The following TRPV1 variants were observed in gnomAD, a reference collection of about 807,000 sequenced individuals.
TRPV1 encodes transient receptor potential cation channel subfamily V member 1, also known as OTRPC1.
In TRPV1, 82 loss-of-function variants were observed where a neutral mutation model predicts 82.3. That is an observed-to-expected ratio of 1.00 (90% CI 0.83 to 1.20). The LOEUF (loss-of-function observed/expected upper bound fraction) is 1.20. Ranked by LOEUF, TRPV1 falls within the 50% of genes most tolerant of loss-of-function variation. The probability of loss-of-function intolerance (pLI) is 0.00; values close to 1 mark genes in which losing one functional copy is unlikely to be tolerated. For missense variants in TRPV1, 1,067 were observed against 1,096.8 expected (o/e 0.97, Z 0.38); for synonymous variants, 515 against 467.7 (o/e 1.10, Z -1.30).
At chr17:3,599,172 G>A (rs1437179543) in intron 2 of TRPV1, among the ~76,000 whole-genome samples, 1 of 152,006 alleles carries the variant, frequency 6.6e-6, no homozygotes, top group Non-Finnish European at 1.5e-5. Context: ...CCGGGAGGTG[G>A]AGGTTGCAGT....
chr17:3,599,679 A>G (rs777146013), intron 2 of TRPV1, among the ~76,000 whole-genome samples: 34 of 148,900 alleles, frequency 2.3e-4, no homozygotes, highest in African/African-American at 8.1e-4. Flanking sequence ...CCCAGGCTAC[A>G]GTGCAATGGC....
chr17:3,588,135 G>A lies in TRPV1; in HGVS notation c.1224+53C>T, dbSNP rs147217761. 1.2e-5 allele frequency: 19 copies of A among 1,526,516 alleles called. No individual in the cohort carries two copies. The African/African-American group carries it at 2.5e-4, about 20-fold the overall frequency. 94.6% of individuals were successfully genotyped at this position (1,526,516 alleles called of 1,614,324 possible). On this transcript the variant is annotated intron_variant, in intron 8 of 16. Transcript: ENST00000572705. ...GAGCTGGACCAGGGGCTGGGATTGG[G>A]GCTTGGGTGCAGAGGCCCTGAGGCC...
rs1228656035 is a variant in TRPV1 at position 3,577,716 on chromosome 17, C to G, written c.1595G>C (p.Ser532Thr). ...FMLATVVLYF[S>T]HLKEYVASMV... ...GGAAGCCACATACTCCTTGAGGTGG[C>G]TGAAGTACAGCACCACGGTGGCCAG... The change falls in exon 12 of 17, where the codon AGC becomes ACC. Residue 532 changes from serine (S) to threonine (T), a missense_variant. Ser to Thr is a moderately conservative substitution (Grantham distance 58). Coordinates refer to ENST00000572705, the MANE Select transcript of TRPV1 (RefSeq NM_080704.4). The G allele has an allele frequency of 6.3e-7, 1 of 1,591,228 alleles. No homozygotes were observed. Among genetic ancestry groups the G allele is most frequent in the African/African-American group, 1.3e-5 (1 of 74,356 alleles).
intron 16 of TRPV1, among the ~76,000 whole-genome samples, chr17:3,569,899 G>A (rs1433217718): frequency 6.6e-6 from 1 of 150,714 alleles, no homozygotes; most frequent in Non-Finnish European, 1.5e-5. Flanking sequence ...GGGCCAAGGG[G>A]TTAGGGGCCA....
Position 3,591,133 on chromosome 17 carries a change from A to G in TRPV1, c.452-17T>C. 1 of 1,611,028 alleles carries G rather than the reference A, an allele frequency of 6.2e-7. No homozygotes were observed. Among genetic ancestry groups the G allele is most frequent in the South Asian group, 1.1e-5 (1 of 90,372 alleles). ...TCTCAGGGTCTGAAAGACATAAGGG[A>G]GGGTCAGGGCAGGCCAGGGCTGGGG... On this transcript the variant is annotated splice_polypyrimidine_tract_variant and intron_variant, in intron 4 of 16. Coordinates refer to ENST00000572705, the MANE Select transcript of TRPV1 (RefSeq NM_080704.4).
chr17:3,591,928 G>A, intron 3 of TRPV1, 139 bp downstream of exon 3: 1 of 1,274,236 alleles, frequency 7.8e-7, no homozygotes, highest in Non-Finnish European at 1.1e-6. Context: ...ACATGAGGAA[G>A]GACGCTGGAC....
In TRPV1 at chr17:3,590,344, A is replaced by C; in HGVS notation, c.653T>G (p.Val218Gly). 6.2e-7 allele frequency: 1 copy of C among 1,613,814 alleles called. No individual in the cohort carries two copies. Among genetic ancestry groups the C allele is most frequent in the Non-Finnish European group, 8.5e-7 (1 of 1,179,842 alleles). ...TGCTCCGTTCTCCACCAGGAGGGTCACCAGGGCCATGTTGCGTCTCTCGAT... is the reference window on the plus strand; with the variant it reads ...TGCTCCGTTCTCCACCAGGAGGGTCCCCAGGGCCATGTTGCGTCTCTCGAT... ...IAIERRNMAL[V>G]TLLVENGADV... The change falls in exon 6 of 17, where the codon GTG becomes GGG. Residue 218 changes from valine to glycine, a missense_variant. By Grantham distance (109) the Val-to-Gly change is moderately radical. Transcript: ENST00000572705.
chr17:3,593,081 CG>C (rs2075180627), intron 2 of TRPV1, among the ~76,000 whole-genome samples: 7 of 112,854 alleles, frequency 6.2e-5, no homozygotes, highest in East Asian at 2.3e-4. Context: ...AATGTTTAGG[CG>C]TGTGTGTGTG....
intron 3 of TRPV1, among the ~76,000 whole-genome samples, chr17:3,591,609 C>T (rs2075158809): frequency 6.6e-6 from 1 of 152,256 alleles, no homozygotes; most frequent in African/African-American, 2.4e-5. Flanking sequence ...TCCCAGACCA[C>T]TGGCTTCTCT....
chr17:3,588,217 C>A lies in TRPV1; in HGVS notation c.1195G>T (p.Val399Leu). The change falls in exon 8 of 17, where the codon GTG (valine) becomes TTG (leucine). Residue 399 changes from valine to leucine, a missense_variant. By Grantham distance (32) the Val-to-Leu change is conservative. Transcript: ENST00000572705. ...DTCEKNSVLE[V>L]IAYSSSETPN... ...GTCTCGCTGCTGCTGTAGGCGATCACCTCCAGCACCGAGTTCTTCTCGCAG... is the reference window on the plus strand; with the variant it reads ...GTCTCGCTGCTGCTGTAGGCGATCAACTCCAGCACCGAGTTCTTCTCGCAG... 1 of 1,573,578 alleles carries A rather than the reference C, an allele frequency of 6.4e-7. No individual in the cohort carries two copies. The highest frequency in any genetic ancestry group is 8.6e-7 in the Non-Finnish European group (1 of 1,160,068).
At position 3,572,121 on chromosome 17, in the gene TRPV1, C is replaced by A. The variant is rs764004524; in HGVS notation, c.2231+1G>T. 6.2e-7 allele frequency: 1 copy of A among 1,613,002 alleles called. No homozygotes were observed. The highest frequency in any genetic ancestry group is 2.2e-5 in the East Asian group (1 of 44,828). On this transcript the variant is annotated splice_donor_variant, in intron 15 of 16. Coordinates refer to ENST00000572705, the MANE Select transcript of TRPV1 (RefSeq NM_080704.4). LOFTEE classifies it high-confidence loss of function. ...TGATTCAGGTGGAGCCTGGGCATTACCTGAAGCACCACCGGTAGTCGTCCT... is the reference window on the plus strand; with the variant it reads ...TGATTCAGGTGGAGCCTGGGCATTAACTGAAGCACCACCGGTAGTCGTCCT...
chr17:3,574,871 T>C (rs952162822), intron 13 of TRPV1, among the ~76,000 whole-genome samples: 1 of 133,640 alleles, frequency 7.5e-6, no homozygotes, highest in Non-Finnish European at 1.5e-5. Context: ...AGTTTGCAGA[T>C]CGCGCCACTG....
chr17:3,585,997 G>A (rs773414707), intron 8 of TRPV1, 71 bp from the exon 9 acceptor site: 15 of 1,582,406 alleles, frequency 9.5e-6, no homozygotes, highest in Non-Finnish European at 1.3e-5. Context: ...ACCAGCCCGT[G>A]GTGCCCCTCA....
At chr17:3,576,668 A>AAAAAAAAAATATAT in intron 13 of TRPV1, among the ~76,000 whole-genome samples, 4 of 38,390 alleles carry the variant, frequency 1.0e-4, no homozygotes, top group Non-Finnish European at 1.6e-4. Flanking sequence ...AAAAAAAAAA[A>AAAAAAAAAATATAT]ATATATATAT....
chr17:3,589,194 G>A (rs1323678254), intron 7 of TRPV1, among the ~76,000 whole-genome samples: 1 of 132,594 alleles, frequency 7.5e-6, no homozygotes, highest in African/African-American at 2.8e-5. Flanking sequence ...AACACCAACA[G>A]CTTTTTTCTT....
chr17:3,588,315 A>G lies in TRPV1; in HGVS notation c.1097T>C (p.Leu366Pro), dbSNP rs1329264443. ...REIQEPECRHLSRKFTEWAYG... is the reference protein window; with the variant it reads ...REIQEPECRHPSRKFTEWAYG... Reference sequence around the variant, plus strand: ...GGCCCACTCGGTGAACTTCCTGGACAGGTGCCTGCACTCGGGCTCCTGGAT... The same window carrying G: ...GGCCCACTCGGTGAACTTCCTGGACGGGTGCCTGCACTCGGGCTCCTGGAT... Residue 366 changes from leucine to proline, a missense_variant, in exon 8 of 17, where the codon CTG becomes CCG. Leu to Pro is a moderately conservative substitution (Grantham distance 98). Coordinates refer to ENST00000572705, the MANE Select transcript of TRPV1 (RefSeq NM_080704.4). 1.9e-6 allele frequency: 3 copies of G among 1,569,950 alleles called. No individual in the cohort carries two copies. Among genetic ancestry groups the G allele is most frequent in the Non-Finnish European group, 2.6e-6 (3 of 1,157,920 alleles).
chr17:3,588,962 A>G, intron 7 of TRPV1: 1 of 1,535,558 alleles, frequency 6.5e-7, no homozygotes, highest in East Asian at 2.4e-5. Context: ...CATTCTCGAT[A>G]ACCTCAAGCC....
intron 8 of TRPV1, among the ~76,000 whole-genome samples, chr17:3,586,365 CGGCAGGGA>C (rs2075085359): frequency 1.3e-5 from 2 of 152,222 alleles, no homozygotes; most frequent in African/African-American, 4.8e-5. Flanking sequence ...TCAGGCAGGG[CGGCAGGGA>C]GGCAGGGAAC....
intron 15 of TRPV1, 27 bp downstream of exon 15, chr17:3,572,095 C>G (rs957765786): frequency 6.2e-7 from 1 of 1,608,138 alleles, no homozygotes; most frequent in Admixed American, 1.7e-5. Context: ...CTCCCAAGCC[C>G]TGATTCAGGT....
Sources: gnomAD v4.1 joint callset for allele counts (sites outside exome capture counted in the v4.1 genomes callset) on GRCh38, gnomAD v4.1.1 for gene constraint, MANE v1.5 for transcripts, NCBI Gene and HGNC (gene_info 2026-07-23, HGNC 2026-07-21) for gene names.